ZNF608: variants seen among roughly 807,000 people sequenced by gnomAD.
ZNF608 encodes the protein zinc finger protein 608.
ZNF608 carries 12 observed loss-of-function variants against 109.0 expected under a neutral mutation model. That is an observed-to-expected ratio of 0.11 (90% confidence interval 0.07 to 0.18). The LOEUF is 0.18. Ranked by LOEUF, ZNF608 falls within the 10% of genes least tolerant of loss-of-function variation. The pLI is 1.00. For synonymous variants in ZNF608, 732 were observed against 717.4 expected, an observed-to-expected ratio of 1.02 and a Z score of -0.33; for missense variants, 1,707 against 1,879.3, an observed-to-expected ratio of 0.91 and a Z score of 1.70.
chr5:124,680,007 C>T (rs975667305), intron 3 of ZNF608, among the ~76,000 whole-genome samples: 1 of 152,098 alleles, frequency 6.6e-6, no homozygotes, highest in African/African-American at 2.4e-5. Context: ...TCAAGCCCAA[C>T]ATAATGATCT....
chr5:124,683,438 G>A (rs551893173), intron 3 of ZNF608, among the ~76,000 whole-genome samples: 111 of 152,264 alleles, frequency 7.3e-4, no homozygotes, highest in African/African-American at 2.6e-3. Flanking sequence ...TGTGTTGGGG[G>A]AAAGGGTGAG....
At chr5:124,707,252 C>G (rs1465934865) in intron 2 of ZNF608, among the ~76,000 whole-genome samples, 2 of 152,176 alleles carry the variant, frequency 1.3e-5, no homozygotes, top group South Asian at 4.1e-4. Flanking sequence ...TCCTGCTCCA[C>G]CCAGACCCAA....
intron 8 of ZNF608, 62 bp from the exon 9 acceptor site, chr5:124,639,276 C>T: frequency 6.7e-7 from 1 of 1,494,864 alleles, no homozygotes; most frequent in South Asian, 1.1e-5. Context: ...GATACAGGCC[C>T]AGTGGAGAAG....
intron 2 of ZNF608, among the ~76,000 whole-genome samples, chr5:124,736,648 A>G (rs1470923806): frequency 6.6e-6 from 1 of 152,230 alleles, no homozygotes; most frequent in Non-Finnish European, 1.5e-5. Flanking sequence ...CAACTTAGAC[A>G]CAACCTTTGA....
intron 2 of ZNF608, chr5:124,734,550 C>T (rs1004689499): frequency 6.6e-6 from 1 of 152,186 alleles, no homozygotes; most frequent in South Asian, 2.1e-4. Flanking sequence ...GTCACAGGAA[C>T]CCACCTACTA....
intron 2 of ZNF608, among the ~76,000 whole-genome samples, chr5:124,708,414 T>A (rs1427924318): frequency 6.6e-6 from 1 of 152,220 alleles, no homozygotes; most frequent in Non-Finnish European, 1.5e-5. Flanking sequence ...ACGCAAACCC[T>A]TCTAAATGTA....
At chr5:124,726,074 A>G (rs541424250) in intron 2 of ZNF608, among the ~76,000 whole-genome samples, 2 of 152,324 alleles carry the variant, frequency 1.3e-5, no homozygotes, top group African/African-American at 4.8e-5. Context: ...CCAAAAATCA[A>G]TTCTGAGTCT....
upstream of ZNF608, chr5:124,746,693 GAAGA>G: frequency 2.0e-6 from 2 of 985,280 alleles, no homozygotes; most frequent in Non-Finnish European, 2.4e-6. Flanking sequence ...GAAAGAATAA[GAAGA>G]AAGGACTGAA....
chr5:124,643,070 T>C (rs1252356402), intron 7 of ZNF608, among the ~76,000 whole-genome samples: 2 of 152,176 alleles, frequency 1.3e-5, no homozygotes, highest in African/African-American at 4.8e-5. Context: ...AAAGGTATCC[T>C]GCAAGAAAAC....
chr5:124,673,553 C>T (rs1312426174), intron 3 of ZNF608, among the ~76,000 whole-genome samples: 2 of 144,184 alleles, frequency 1.4e-5, no homozygotes, highest in Non-Finnish European at 3.0e-5. Context: ...ATTGAATGAG[C>T]TCAGCTTTTC....
intron 3 of ZNF608, among the ~76,000 whole-genome samples, chr5:124,700,000 T>G (rs1280441907): frequency 2.0e-5 from 3 of 152,178 alleles, no homozygotes; most frequent in Admixed American, 1.3e-4. Flanking sequence ...GTTACCCTCA[T>G]CCTGCCCTTA....
intron 2 of ZNF608, among the ~76,000 whole-genome samples, chr5:124,701,502 G>A (rs1469853182): frequency 6.6e-6 from 1 of 152,182 alleles, no homozygotes; most frequent in East Asian, 1.9e-4. Context: ...ATCATAAGCA[G>A]GTTTTCAGTG....
chr5:124,746,369 C>CA lies in ZNF608; in HGVS notation c.-359dup, dbSNP rs1749639835. The CA allele has an allele frequency of 1.0e-6, 1 of 985,206 alleles. No homozygotes were observed. Among genetic ancestry groups the CA allele is most frequent in the South Asian group, 4.7e-5 (1 of 21,286 alleles). The allele number at this position is 985,206 out of a possible 1,614,324, so 61.0% of individuals were successfully genotyped here. A position where few individuals can be genotyped will look rare whatever the true frequency, so the allele number is the denominator to read the frequency against. ...ACTCGATAACATTATTCCACCTCCC[C>CA]ACCCCCCTTTTGGCAAACGAATCAG... On this transcript the variant is annotated 5_prime_UTR_variant, in exon 1 of 10. Transcript: ENST00000513986.
chr5:124,659,631 C>G (rs1389364684), intron 3 of ZNF608, among the ~76,000 whole-genome samples: 2 of 152,234 alleles, frequency 1.3e-5, no homozygotes, highest in African/African-American at 4.8e-5. Context: ...GTTTTCCTCA[C>G]AAACCCACCA....
At position 124,745,261 on chromosome 5, in the gene ZNF608, A is replaced by C. The variant is rs1352748628; in HGVS notation, c.-183-89T>G. On this transcript the variant is annotated intron_variant, in intron 1 of 9. Transcript: ENST00000513986. ...TAGTATTGGGGAATCAGTAAAGGGG[A>C]CAGGGAAGGATGGAGAGTAAGGTGG... The C allele has an allele frequency of 4.2e-6, 5 of 1,190,374 alleles. No individual in the cohort carries two copies. In the East Asian group the frequency reaches 1.7e-4, roughly 41 times the overall value. 73.7% of individuals were successfully genotyped at this position (1,190,374 alleles called of 1,614,324 possible).
chr5:124,665,067 C>G (rs1390657718), intron 3 of ZNF608, among the ~76,000 whole-genome samples: 1 of 151,828 alleles, frequency 6.6e-6, no homozygotes, highest in Non-Finnish European at 1.5e-5. Flanking sequence ...CCCAGCTACT[C>G]AGGAGGCTGA....
At chr5:124,682,366 C>T (rs13179514) in intron 3 of ZNF608, among the ~76,000 whole-genome samples, 22,220 of 152,276 alleles carry the variant, frequency 0.15, 1,654 homozygotes, top group East Asian at 0.2. Flanking sequence ...AGCCACTGTG[C>T]CCGGCCTACC....
chr5:124,668,724 C>T (rs770839783), intron 3 of ZNF608, among the ~76,000 whole-genome samples: 1 of 152,156 alleles, frequency 6.6e-6, no homozygotes, highest in Non-Finnish European at 1.5e-5. Context: ...GCCTGACCCA[C>T]GCCCAGGAGC....
chr5:124,660,913 C>T (rs1405223705), intron 3 of ZNF608, among the ~76,000 whole-genome samples: 6 of 151,558 alleles, frequency 4.0e-5, no homozygotes, highest in African/African-American at 1.5e-4. Flanking sequence ...CGCATTCCTC[C>T]CAGGTGAAGC....
Sources: gnomAD v4.1 joint callset for allele counts (sites outside exome capture counted in the v4.1 genomes callset) on GRCh38, gnomAD v4.1.1 for gene constraint, MANE v1.5 for transcripts, NCBI Gene and HGNC (gene_info 2026-07-23, HGNC 2026-07-21) for gene names.